PAK1: variants seen among roughly 807,000 people sequenced by gnomAD.
PAK1 encodes the protein p21 (RAC1) activated kinase 1, also known as serine/threonine-protein kinase PAK 1.
Under a neutral mutation model 67.4 loss-of-function variants are expected in PAK1, and 29 were observed. The ratio of observed to expected loss-of-function variants is 0.43; its 90% CI spans 0.32 to 0.59. The LOEUF (loss-of-function observed/expected upper bound fraction) is 0.59, where lower values mean the gene tolerates loss of function less well. PAK1 is among the 20% of genes least tolerant of loss of function. The pLI is 0.07. For missense variants in PAK1, 337 were observed against 670.7 expected (o/e 0.50, Z 5.50); for synonymous variants, 223 against 237.4 (o/e 0.94, Z 0.56).
chr11:77,529,023 C>T, the PAK1 span, among the ~76,000 whole-genome samples: 1 of 152,154 alleles, frequency 6.6e-6, no homozygotes, highest in Admixed American at 6.5e-5. Context: ...TTCTTATCAA[C>T]CATTCACCTA....
chr11:77,386,640 A>C (rs1950482081), intron 2 of PAK1, among the ~76,000 whole-genome samples: 1 of 152,154 alleles, frequency 6.6e-6, no homozygotes. Flanking sequence ...GGCAGCTCAA[A>C]TCTCAACCAT....
intron 1 of PAK1, among the ~76,000 whole-genome samples, chr11:77,395,808 G>T (rs143328500): frequency 4.1e-4 from 62 of 152,312 alleles, no homozygotes; most frequent in Admixed American, 1.3e-3. Context: ...TGTTAATGCA[G>T]ATTAACTCTG....
At chr11:77,496,164 G>A in the PAK1 span, among the ~76,000 whole-genome samples, 17 of 151,514 alleles carry the variant, frequency 1.1e-4, no homozygotes, top group African/African-American at 3.6e-4. Flanking sequence ...GACTACAGGC[G>A]CCCACCACCA....
the PAK1 span, among the ~76,000 whole-genome samples, chr11:77,504,224 A>C: frequency 6.6e-6 from 1 of 152,198 alleles, no homozygotes; most frequent in Admixed American, 6.5e-5. Flanking sequence ...AACCTTAATA[A>C]ATTATTAGTT....
chr11:77,409,110 AAT>A (rs767874974), intron 1 of PAK1, among the ~76,000 whole-genome samples: 8 of 142,440 alleles, frequency 5.6e-5, no homozygotes, highest in Non-Finnish European at 8.1e-5. Flanking sequence ...AAAAAAAAAA[AAT>A]TTTTTTTTTA....
chr11:77,464,039 T>A (rs985857090), intron 1 of PAK1, among the ~76,000 whole-genome samples: 14 of 152,246 alleles, frequency 9.2e-5, no homozygotes, highest in Non-Finnish European at 1.9e-4. Context: ...ATAACCAATA[T>A]AAAAAGTTAA....
rs1448297911 is a variant in PAK1, at chr11:77,355,153, G to A, written c.772+515C>T. 5.9e-5 allele frequency among the ~76,000 whole-genome samples: 9 copies of A among 152,110 alleles called. No homozygotes were observed. The South Asian group carries it at 1.2e-3, about 21-fold the overall frequency. ...TAGGATCATAATGCTTTTCTTCACA[G>A]GGTTAATAAGAGAATTAAATTTAAA... On this transcript the variant is annotated intron_variant, in intron 7 of 14. Coordinates refer to ENST00000356341, the MANE Select transcript of PAK1 (RefSeq NM_002576.5).
chr11:77,503,708 T>G, the PAK1 span, among the ~76,000 whole-genome samples: 14 of 152,176 alleles, frequency 9.2e-5, no homozygotes, highest in South Asian at 2.9e-3. Context: ...ATAAAAAAAG[T>G]TTAAAAATTT....
chr11:77,510,966 G>A, the PAK1 span, among the ~76,000 whole-genome samples: 4 of 152,198 alleles, frequency 2.6e-5, no homozygotes, highest in Middle Eastern at 3.4e-3. Flanking sequence ...GTTTTTGCTT[G>A]CACATGTTTG....
chr11:77,518,413 TGC>T, the PAK1 span, among the ~76,000 whole-genome samples: 1 of 152,222 alleles, frequency 6.6e-6, no homozygotes. Flanking sequence ...TGGCTGTGTT[TGC>T]CATCTCTGGT....
At chr11:77,412,535 C>A (rs1263966686) in intron 1 of PAK1, among the ~76,000 whole-genome samples, 1 of 151,948 alleles carries the variant, frequency 6.6e-6, no homozygotes, top group Non-Finnish European at 1.5e-5. Flanking sequence ...CTCAAGTAAT[C>A]CTCCCACCTC....
chr11:77,360,475 A>G (rs1044444042), intron 5 of PAK1, among the ~76,000 whole-genome samples: 8 of 152,042 alleles, frequency 5.3e-5, no homozygotes, highest in African/African-American at 7.2e-5. Flanking sequence ...GCTCTAATTT[A>G]TTTTCTCCCC....
intron 7 of PAK1, among the ~76,000 whole-genome samples, chr11:77,354,058 A>G (rs1945665438): frequency 1.3e-5 from 2 of 152,190 alleles, no homozygotes; most frequent in African/African-American, 4.8e-5. Flanking sequence ...ACACACAAAA[A>G]AAAGACTGGA....
At chr11:77,435,953 T>C (rs917185721) in intron 1 of PAK1, among the ~76,000 whole-genome samples, 7 of 152,190 alleles carry the variant, frequency 4.6e-5, no homozygotes, top group African/African-American at 1.7e-4. Flanking sequence ...CAGACCCCAA[T>C]GTTTATAATG....
chr11:77,369,638 G>A (rs1948146663), intron 5 of PAK1, among the ~76,000 whole-genome samples: 1 of 151,218 alleles, frequency 6.6e-6, no homozygotes, highest in African/African-American at 2.4e-5. Flanking sequence ...AGTAGAGATG[G>A]GGTTTCACCA....
intron 1 of PAK1, among the ~76,000 whole-genome samples, chr11:77,409,567 T>A (rs904873290): frequency 7.2e-5 from 11 of 152,110 alleles, no homozygotes; most frequent in Admixed American, 7.2e-4. Flanking sequence ...TATTTGTGTA[T>A]ATATGTATAT....
At chr11:77,375,057 A>G (rs1948912579) in intron 4 of PAK1, among the ~76,000 whole-genome samples, 3 of 152,222 alleles carry the variant, frequency 2.0e-5, no homozygotes, top group Non-Finnish European at 4.4e-5. Context: ...CTAGGTGATA[A>G]GAATTTTTCA....
chr11:77,376,239 A>G (rs1460994134), intron 4 of PAK1, among the ~76,000 whole-genome samples: 4 of 152,218 alleles, frequency 2.6e-5, no homozygotes, highest in African/African-American at 4.8e-5. Context: ...GAACTTCTAT[A>G]TATCAAAATC....
chr11:77,336,016 C>G (rs1034485929), intron 13 of PAK1, 70 bp downstream of exon 13: 1 of 996,326 alleles, frequency 1.0e-6, no homozygotes. Flanking sequence ...CAGAGAACAC[C>G]CTGGATTCTT....
Sources: allele counts gnomAD v4.1 joint callset (sites outside exome capture counted in the v4.1 genomes callset), GRCh38; gene constraint gnomAD v4.1.1; transcripts MANE v1.5; gene names NCBI Gene and HGNC (gene_info 2026-07-23, HGNC 2026-07-21).